The following ACCS variants were observed in gnomAD, a reference collection of about 807,000 sequenced individuals.
ACCS encodes 1-aminocyclopropane-1-carboxylate synthase homolog (inactive).
In ACCS, 42 loss-of-function variants were observed where a neutral mutation model predicts 59.8. The observed-to-expected ratio is 0.70, with a 90% CI of 0.55 to 0.91. The LOEUF is 0.91. Among genes scored for constraint, ACCS ranks in the 40% least tolerant of loss-of-function variants. The pLI is 0.00. For synonymous variants in ACCS, 230 were observed against 240.3 expected (o/e 0.96, Z 0.40); for missense variants, 602 against 630.4 (o/e 0.95, Z 0.48).
intron 4 of ACCS, 67 bp downstream of exon 4, chr11:44,073,584 G>T (rs1429101707): frequency 6.6e-7 from 1 of 1,504,934 alleles, no homozygotes; most frequent in Non-Finnish European, 9.0e-7. Flanking sequence ...AGACATTTTT[G>T]GTTGTTATAA....
intron 6 of ACCS, 81 bp downstream of exon 6, chr11:44,075,673 G>T: frequency 6.6e-7 from 1 of 1,511,554 alleles, no homozygotes; most frequent in Non-Finnish European, 9.1e-7. Context: ...CTCAAGGGCT[G>T]CAATAGTATG....
chr11:44,075,680 TA>T, intron 6 of ACCS, 88 bp downstream of exon 6: 1 of 1,474,698 alleles, frequency 6.8e-7, no homozygotes, highest in Non-Finnish European at 9.3e-7. Flanking sequence ...GCTGCAATAG[TA>T]TGCTTTCGGG....
In ACCS at chr11:44,078,755, G is replaced by T. The variant is rs776814167; in HGVS notation, c.804G>T (p.Glu268Asp). The change falls in exon 9 of 15, where the codon GAG becomes GAT. Residue 268 changes from glutamate (E) to aspartate (D), a missense_variant. Transcript: ENST00000263776. ...TGGGTGATGTATACTCCCCTGAAGAGCTACAGGAGTACCTGGTATTTGCCA... is the reference window on the plus strand; with the variant it reads ...TGGGTGATGTATACTCCCCTGAAGATCTACAGGAGTACCTGGTATTTGCCA... The part of the protein sequence containing the change: ...NPLGDVYSPE[E>D]LQEYLVFAKR... 5 of 1,614,062 alleles carry T rather than the reference G, an allele frequency of 3.1e-6. No homozygotes were observed. The South Asian group carries it at 5.5e-5, about 18-fold the overall frequency.
intron 4 of ACCS, 147 bp downstream of exon 4, chr11:44,073,664 A>G: frequency 1.3e-6 from 1 of 742,042 alleles, no homozygotes; most frequent in Admixed American, 2.7e-5. Flanking sequence ...TCTACAATGT[A>G]CAGGACAGCC....
rs552906166 is a variant in ACCS at position 44,071,581 on chromosome 11, A to G, written c.348+266A>G. 4.8e-5 allele frequency: 20 copies of G among 418,804 alleles called. No individual in the cohort carries two copies. The South Asian group carries it at 9.6e-4, about 20-fold the overall frequency. 25.9% of individuals were successfully genotyped at this position (418,804 alleles called of 1,614,324 possible). A position where few individuals can be genotyped will look rare whatever the true frequency, so the allele number is the denominator to read the frequency against. On this transcript the variant is annotated intron_variant, in intron 3 of 14. Coordinates refer to ENST00000263776, the MANE Select transcript of ACCS (RefSeq NM_032592.4). ...TTGGGTCCCCTGATCTCAGAGGGAAACACTCAGTGCTTTGTGGTGTAGGTA... is the reference window on the plus strand; with the variant it reads ...TTGGGTCCCCTGATCTCAGAGGGAAGCACTCAGTGCTTTGTGGTGTAGGTA...
At chr11:44,071,807 C>T (rs1196940523) in intron 3 of ACCS, 3 of 152,682 alleles carry the variant, frequency 2.0e-5, no homozygotes, top group Non-Finnish European at 4.4e-5. Context: ...ACCTCAAAAA[C>T]ATAGATAGTA....
chr11:44,068,064 A>G, intron 2 of ACCS, 149 bp downstream of exon 2: 1 of 851,086 alleles, frequency 1.2e-6, no homozygotes, highest in Non-Finnish European at 1.8e-6. Flanking sequence ...TGTAGCTTAG[A>G]GAGGCCCCAG....
At chr11:44,073,951 C>T (rs1403091711) in intron 4 of ACCS, among the ~76,000 whole-genome samples, 1 of 152,166 alleles carries the variant, frequency 6.6e-6, no homozygotes, top group African/African-American at 2.4e-5. Context: ...TGGTAAATAA[C>T]ACTAATAGCT....
At chr11:44,077,035 C>T (rs537384075) in intron 6 of ACCS, among the ~76,000 whole-genome samples, 8 of 152,268 alleles carry the variant, frequency 5.3e-5, no homozygotes, top group South Asian at 4.2e-4. Flanking sequence ...CCTCCTATGA[C>T]GCAGGGGAAT....
chr11:44,082,442 C>T (rs781517777), intron 12 of ACCS, among the ~76,000 whole-genome samples: 2 of 152,226 alleles, frequency 1.3e-5, no homozygotes, highest in Non-Finnish European at 2.9e-5. Context: ...TGGAACACTA[C>T]TCTGCAATAA....
intron 6 of ACCS, 103 bp from the exon 7 acceptor site, chr11:44,077,176 C>A: frequency 7.6e-7 from 1 of 1,316,028 alleles, no homozygotes; most frequent in Non-Finnish European, 1.0e-6. Flanking sequence ...CCAAACGGTC[C>A]CCAAAGAAGT....
rs184261292 is a variant in ACCS at position 44,075,437 on chromosome 11, C to T, written c.490-89C>T. 4.4e-3 allele frequency: 6,220 copies of T among 1,404,470 alleles called. 21 individuals carry two copies. The highest frequency in any genetic ancestry group is 8.1e-3 in the Middle Eastern group (45 of 5,586). 87.0% of individuals were successfully genotyped at this position (1,404,470 alleles called of 1,614,324 possible). A position where few individuals can be genotyped will look rare whatever the true frequency, so the allele number is the denominator to read the frequency against. On this transcript the variant is annotated intron_variant, in intron 5 of 14. Transcript: ENST00000263776. ...CAGGTGGCACCAAGGCAGGGCCTGGCGCTCACTCTGTGCTGTCCTGGGAGG... is the reference window on the plus strand; with the variant it reads ...CAGGTGGCACCAAGGCAGGGCCTGGTGCTCACTCTGTGCTGTCCTGGGAGG...
In ACCS at chr11:44,077,395, T is replaced by C. The variant is rs2134872495; in HGVS notation, c.654+19T>C. The C allele has an allele frequency of 6.2e-7, 1 of 1,613,402 alleles. No homozygotes were observed. Among genetic ancestry groups the C allele is most frequent in the South Asian group, 1.1e-5 (1 of 90,996 alleles). ...CAGTGAGGTAAGAGTCTTGACTTCC[T>C]AGGTGGAACCTGGGCCTGCCTGTGG... On this transcript the variant is annotated intron_variant, in intron 7 of 14. Coordinates refer to ENST00000263776, the MANE Select transcript of ACCS (RefSeq NM_032592.4).
intron 9 of ACCS, chr11:44,079,025 C>G (rs989737224): frequency 1.9e-5 from 10 of 514,246 alleles, no homozygotes; most frequent in African/African-American, 1.9e-4. Flanking sequence ...CCATGCTAAG[C>G]ACTTTATGTG....
intron 2 of ACCS, among the ~76,000 whole-genome samples, chr11:44,070,895 T>C (rs962775838): frequency 1.3e-5 from 2 of 152,154 alleles, no homozygotes; most frequent in African/African-American, 4.8e-5. Context: ...TCAGGGAGCT[T>C]ACCCTCAGTA....
At chr11:44,074,081 G>T (rs1953193291) in intron 4 of ACCS, among the ~76,000 whole-genome samples, 1 of 152,138 alleles carries the variant, frequency 6.6e-6, no homozygotes, top group African/African-American at 2.4e-5. Flanking sequence ...AGGGTGGTGG[G>T]CCCTGGAGTC....
rs553123264 is a variant in ACCS at position 44,079,216 on chromosome 11, G to A, written c.834-315G>A. 9.8e-6 allele frequency: 4 copies of A among 408,514 alleles called. No individual in the cohort carries two copies. In the East Asian group the frequency reaches 1.9e-4, roughly 19 times the overall value. 25.3% of individuals were successfully genotyped at this position (408,514 alleles called of 1,614,324 possible). On this transcript the variant is annotated intron_variant, in intron 9 of 14. Coordinates refer to ENST00000263776, the MANE Select transcript of ACCS (RefSeq NM_032592.4). ...TCACTGAGCCTTAGAGTGGTCAAGT[G>A]AGGGGTGGATCCAGACTTGAACCTG...
intron 4 of ACCS, among the ~76,000 whole-genome samples, 153 bp from the exon 5 acceptor site, chr11:44,074,459 G>A (rs1953210995): frequency 6.6e-6 from 1 of 152,074 alleles, no homozygotes; most frequent in African/African-American, 2.4e-5. Flanking sequence ...GGGAAGGTGG[G>A]TGCTAAGGAG....
chr11:44,072,073 A>G (rs1565172279), intron 3 of ACCS: 1 of 152,194 alleles, frequency 6.6e-6, no homozygotes, highest in Non-Finnish European at 1.5e-5. Flanking sequence ...TAGAGACAGC[A>G]ATCCTTAACC....
Sources: gnomAD v4.1 joint callset for allele counts (sites outside exome capture counted in the v4.1 genomes callset) on GRCh38, gnomAD v4.1.1 for gene constraint, MANE v1.5 for transcripts, NCBI Gene and HGNC (gene_info 2026-07-23, HGNC 2026-07-21) for gene names.